BMPER: variants seen among roughly 807,000 people sequenced by gnomAD.
BMPER encodes the protein BMP-binding endothelial regulator protein.
BMPER carries 45 observed loss-of-function variants against 87.3 expected under a neutral mutation model. The ratio of observed to expected loss-of-function variants is 0.52; its 90% CI spans 0.41 to 0.66. The LOEUF (loss-of-function observed/expected upper bound fraction) is 0.66. Among genes scored for constraint, BMPER ranks in the 30% least tolerant of loss-of-function variants. BMPER has a pLI of 0.00. For missense variants in BMPER, 784 were observed against 867.5 expected, an observed-to-expected ratio of 0.90 and a Z score of 1.21; for synonymous variants, 326 against 316.2, an observed-to-expected ratio of 1.03 and a Z score of -0.33.
intron 8 of BMPER, among the ~76,000 whole-genome samples, chr7:34,054,724 C>T (rs915696923): frequency 2.0e-5 from 3 of 152,184 alleles, no homozygotes; most frequent in Admixed American, 2.0e-4. Context: ...CTTTTACCCT[C>T]TGACCAAAGA....
Position 34,081,045 on chromosome 7 carries a change from A to G in BMPER, c.1408+1859A>G, listed in dbSNP as rs1286422136. On this transcript the variant is annotated intron_variant, in intron 12 of 14. Transcript: ENST00000649409. ...CCAAGATGCAAGTAATTTTCATGGA[A>G]CTCAATACCCAGCTGAACAATTTCC... Among the ~76,000 whole-genome samples, 4 of 152,142 alleles carry G rather than the reference A, an allele frequency of 2.6e-5. No homozygotes were observed. In the East Asian group the frequency reaches 7.7e-4, roughly 29 times the overall value.
At chr7:34,014,316 A>C (rs969147822) in intron 6 of BMPER, among the ~76,000 whole-genome samples, 1 of 151,968 alleles carries the variant, frequency 6.6e-6, no homozygotes, top group Non-Finnish European at 1.5e-5. Context: ...TGGGTCAGTG[A>C]GGTCAGAGAT....
chr7:34,006,008 C>G (rs1024274013), intron 6 of BMPER, among the ~76,000 whole-genome samples: 2 of 152,020 alleles, frequency 1.3e-5, no homozygotes, highest in South Asian at 2.1e-4. Flanking sequence ...CACAAAGATT[C>G]TCTTCATTTA....
intron 6 of BMPER, among the ~76,000 whole-genome samples, chr7:34,019,166 C>G (rs1787115308): frequency 6.6e-6 from 1 of 152,022 alleles, no homozygotes; most frequent in Non-Finnish European, 1.5e-5. Flanking sequence ...ATCACTGTGT[C>G]TAAAATATAG....
At chr7:34,051,784 T>C in intron 7 of BMPER, 77 bp from the exon 8 acceptor site, 2 of 1,240,380 alleles carry the variant, frequency 1.6e-6, no homozygotes, top group Non-Finnish European at 1.2e-6. Flanking sequence ...ATAATGGACC[T>C]ATGATGGAAT....
intron 3 of BMPER, among the ~76,000 whole-genome samples, chr7:33,959,128 A>G (rs1290032293): frequency 1.3e-5 from 2 of 152,162 alleles, no homozygotes; most frequent in African/African-American, 4.8e-5. Context: ...TTCATTACAC[A>G]TTACCCAGTC....
chr7:34,011,583 C>CAAAAAAAAAAAAAAAAAAAAAAAAA (rs36022297), intron 6 of BMPER, among the ~76,000 whole-genome samples: 8 of 45,762 alleles, frequency 1.7e-4, no homozygotes, highest in Admixed American at 2.7e-4. Context: ...TTGGTCAGGG[C>CAAAAAAAAAAAAAAAAAAAAAAAAA]AAAAAAAAAA....
At chr7:34,060,423 G>T (rs2127964612) in intron 10 of BMPER, among the ~76,000 whole-genome samples, 1 of 152,310 alleles carries the variant, frequency 6.6e-6, no homozygotes, top group East Asian at 1.9e-4. Context: ...GAAACCAAAA[G>T]AGACCCCTGT....
chr7:33,994,607 G>A (rs896148549), intron 6 of BMPER, among the ~76,000 whole-genome samples: 1 of 152,210 alleles, frequency 6.6e-6, no homozygotes, highest in Non-Finnish European at 1.5e-5. Context: ...GGGAGCTGTA[G>A]ACCGGAGCTG....
chr7:34,119,014 T>TCTCTCTCTCACACACACACACACA (rs66493349), intron 13 of BMPER, among the ~76,000 whole-genome samples: 4 of 135,708 alleles, frequency 2.9e-5, no homozygotes, highest in African/African-American at 1.1e-4. Flanking sequence ...TCTCTCTCTC[T>TCTCTCTCTCACACACACACACACA]CACACACACA....
intron 10 of BMPER, among the ~76,000 whole-genome samples, chr7:34,059,396 G>C (rs1788371876): frequency 6.6e-6 from 1 of 151,980 alleles, no homozygotes; most frequent in South Asian, 2.1e-4. Flanking sequence ...GCTGGGGGAG[G>C]GGATGGTGGG....
intron 14 of BMPER, among the ~76,000 whole-genome samples, chr7:34,144,988 C>A (rs970839367): frequency 6.6e-5 from 10 of 152,224 alleles, no homozygotes; most frequent in African/African-American, 2.2e-4. Flanking sequence ...TTGCAGTGTA[C>A]AGACATTGCG....
At chr7:34,115,427 T>C (rs1261907946) in intron 13 of BMPER, among the ~76,000 whole-genome samples, 1 of 152,240 alleles carries the variant, frequency 6.6e-6, no homozygotes, top group Admixed American at 6.5e-5. Flanking sequence ...GCATATAAAA[T>C]TGATTGTCAG....
intron 13 of BMPER, among the ~76,000 whole-genome samples, chr7:34,110,980 A>G (rs1789946976): frequency 6.6e-6 from 1 of 152,240 alleles, no homozygotes; most frequent in Non-Finnish European, 1.5e-5. Flanking sequence ...TCCAAGAGAA[A>G]AAGTCCTTCT....
chr7:34,108,059 GACAAA>G (rs1789869383), intron 13 of BMPER, among the ~76,000 whole-genome samples: 2 of 152,216 alleles, frequency 1.3e-5, no homozygotes, highest in African/African-American at 4.8e-5. Context: ...AACAGCACAA[GACAAA>G]ACAAATAAAT....
chr7:34,129,590 G>GAGAGAGAGAGAGAA (rs777366503), intron 13 of BMPER, among the ~76,000 whole-genome samples: 3,714 of 128,708 alleles, frequency 0.029, 210 homozygotes, highest in African/African-American at 0.083. Context: ...GAGAGAGAGA[G>GAGAGAGAGAGAGAA]AGAGAGAGAG....
chr7:33,919,619 C>A (rs1219473853), intron 2 of BMPER, among the ~76,000 whole-genome samples: 3 of 152,128 alleles, frequency 2.0e-5, no homozygotes, highest in Non-Finnish European at 4.4e-5. Flanking sequence ...CATTGCAGGA[C>A]TGGAGTAGGC....
intron 13 of BMPER, among the ~76,000 whole-genome samples, chr7:34,103,686 AAAG>A (rs1334221735): frequency 6.6e-6 from 1 of 152,224 alleles, no homozygotes; most frequent in African/African-American, 2.4e-5. Flanking sequence ...GCTTCTCTTT[AAAG>A]AAGAGAAAGA....
intron 13 of BMPER, among the ~76,000 whole-genome samples, chr7:34,111,432 T>A (rs1248933372): frequency 6.6e-6 from 1 of 152,224 alleles, no homozygotes; most frequent in Non-Finnish European, 1.5e-5. Context: ...TTGTCAAGAC[T>A]TTGTTGATTG....
Sources: gnomAD v4.1 joint callset for allele counts (sites outside exome capture counted in the v4.1 genomes callset) on GRCh38, gnomAD v4.1.1 for gene constraint, MANE v1.5 for transcripts, NCBI Gene and HGNC (gene_info 2026-07-23, HGNC 2026-07-21) for gene names.